Variants in ATP6V0A4 observed in about 807,000 individuals in gnomAD.
ATP6V0A4 encodes the protein ATPase H+ transporting V0 subunit a4.
ATP6V0A4 carries 86 observed loss-of-function variants against 107.3 expected under a neutral mutation model. The ratio of observed to expected loss-of-function variants is 0.80; its 90% CI spans 0.67 to 0.96. The LOEUF (loss-of-function observed/expected upper bound fraction) is 0.96, where lower values mean the gene tolerates loss of function less well. ATP6V0A4 is among the 40% of genes least tolerant of loss of function. The probability of loss-of-function intolerance (pLI) is 0.00; values close to 1 mark genes in which losing one functional copy is unlikely to be tolerated. For missense variants in ATP6V0A4, 908 were observed against 1,045.6 expected, an observed-to-expected ratio of 0.87 and a Z score of 1.81; for synonymous variants, 353 against 381.4, an observed-to-expected ratio of 0.93 and a Z score of 0.87.
At chr7:138,771,093 C>G (rs1807358443) in intron 3 of ATP6V0A4, 38 bp downstream of exon 3, 1 of 1,585,926 alleles carries the variant, frequency 6.3e-7, no homozygotes, top group Non-Finnish European at 8.7e-7. Context: ...TACTCCCACC[C>G]CTGCCTTCCT....
intron 5 of ATP6V0A4, among the ~76,000 whole-genome samples, chr7:138,765,316 C>T (rs972058168): frequency 6.6e-6 from 1 of 152,110 alleles, no homozygotes; most frequent in Non-Finnish European, 1.5e-5. Flanking sequence ...TATAATGACA[C>T]AAAGTTGGGG....
chr7:138,796,775 C>T (rs1040123301), intron 1 of ATP6V0A4, among the ~76,000 whole-genome samples: 10 of 119,356 alleles, frequency 8.4e-5, no homozygotes, highest in Middle Eastern at 3.5e-3. Flanking sequence ...TTCTTTCTTC[C>T]GGGTTTGGTT....
At chr7:138,728,945 C>T (rs1804850713) in intron 17 of ATP6V0A4, 83 bp from the exon 18 acceptor site, 1 of 1,608,760 alleles carries the variant, frequency 6.2e-7, no homozygotes, top group African/African-American at 1.3e-5. Flanking sequence ...CCACTATGGG[C>T]CACTTCACTA....
chr7:138,796,272 T>C (rs909990651), intron 1 of ATP6V0A4, among the ~76,000 whole-genome samples: 1 of 151,838 alleles, frequency 6.6e-6, no homozygotes. Context: ...CTAGTGGTAA[T>C]GCCTAAACTG....
At chr7:138,770,993 A>G in intron 3 of ATP6V0A4, 138 bp downstream of exon 3, 1 of 952,704 alleles carries the variant, frequency 1.0e-6, no homozygotes, top group Non-Finnish European at 1.7e-6. Context: ...AAGCACTAAA[A>G]CTACAGAATT....
At chr7:138,743,415 G>T (rs573479390) in intron 14 of ATP6V0A4, among the ~76,000 whole-genome samples, 23 of 145,804 alleles carry the variant, frequency 1.6e-4, no homozygotes, top group Admixed American at 1.4e-3. Context: ...CTGAGATTGT[G>T]CCACTGTACT....
chr7:138,730,915 T>A (rs1377151478), intron 17 of ATP6V0A4, among the ~76,000 whole-genome samples: 2 of 131,056 alleles, frequency 1.5e-5, no homozygotes, highest in East Asian at 5.0e-4. Flanking sequence ...ACAAGGCATT[T>A]TTTCTTCTTC....
chr7:138,758,358 G>A (rs1045761591), intron 8 of ATP6V0A4, among the ~76,000 whole-genome samples: 5 of 152,156 alleles, frequency 3.3e-5, no homozygotes, highest in African/African-American at 1.2e-4. Context: ...AGACATTAGA[G>A]TGATGGGGTT....
At chr7:138,719,249 T>A (rs1804307209) in intron 19 of ATP6V0A4, among the ~76,000 whole-genome samples, 1 of 152,188 alleles carries the variant, frequency 6.6e-6, no homozygotes, top group East Asian at 1.9e-4. Context: ...TCTTGGCTCC[T>A]GGGAGGTAAC....
chr7:138,797,836 G>A lies in ATP6V0A4; in HGVS notation c.-121+198C>T, dbSNP rs981926341. 23 of 593,714 alleles carry A rather than the reference G, an allele frequency of 3.9e-5. 1 individual carries two copies. Among genetic ancestry groups the A allele is most frequent in the South Asian group, 2.1e-4 (11 of 53,408 alleles). The allele number at this position is 593,714 out of a possible 1,614,324, so 36.8% of individuals were successfully genotyped here. A position where few individuals can be genotyped will look rare whatever the true frequency, so the allele number is the denominator to read the frequency against. On this transcript the variant is annotated intron_variant, in intron 1 of 21. Coordinates refer to ENST00000310018, the MANE Select transcript of ATP6V0A4 (RefSeq NM_020632.3). ...GTTTCTCAATAAGGACAATATTTGC[G>A]CTCAGGGGAGAAGGGCACAGCTTGC... is the stretch of plus-strand genomic sequence containing the variant.
chr7:138,782,001 A>C (rs1326689732), intron 2 of ATP6V0A4, among the ~76,000 whole-genome samples: 1 of 152,118 alleles, frequency 6.6e-6, no homozygotes, highest in African/African-American at 2.4e-5. Context: ...AACAGTGTAA[A>C]GAGGACCTGA....
At chr7:138,769,558 G>A (rs575769799) in intron 3 of ATP6V0A4, among the ~76,000 whole-genome samples, 18 of 152,070 alleles carry the variant, frequency 1.2e-4, no homozygotes, top group African/African-American at 3.4e-4. Context: ...CAGGTGATCC[G>A]CCCACCTCAG....
Position 138,747,576 on chromosome 7 carries a change from A to G in ATP6V0A4, c.1181-12T>C. On this transcript the variant is annotated splice_polypyrimidine_tract_variant and intron_variant, in intron 12 of 21. Coordinates refer to ENST00000310018, the MANE Select transcript of ATP6V0A4 (RefSeq NM_020632.3). The stretch of plus-strand genomic sequence containing the variant: ...GATGGTGTAGGGGGCTGCGGAGGGG[A>G]GACACACAACGCCTGAGGCCTCAGC... 6.2e-7 allele frequency: 1 copy of G among 1,613,730 alleles called. No homozygotes were observed. Among genetic ancestry groups the G allele is most frequent in the South Asian group, 1.1e-5 (1 of 91,012 alleles).
At chr7:138,794,678 G>A (rs931033833) in intron 1 of ATP6V0A4, among the ~76,000 whole-genome samples, 5 of 151,934 alleles carry the variant, frequency 3.3e-5, no homozygotes, top group African/African-American at 9.7e-5. Flanking sequence ...AAAAAGTCTT[G>A]AGAAAGTCTA....
intron 15 of ATP6V0A4, among the ~76,000 whole-genome samples, chr7:138,738,653 G>C (rs1805465987): frequency 6.6e-6 from 1 of 152,146 alleles, no homozygotes; most frequent in African/African-American, 2.4e-5. Flanking sequence ...CAAATCCTGG[G>C]CAAAATTCAT....
chr7:138,717,111 A>C (rs1804080298), intron 19 of ATP6V0A4, among the ~76,000 whole-genome samples: 1 of 152,172 alleles, frequency 6.6e-6, no homozygotes, highest in Admixed American at 6.5e-5. Flanking sequence ...GGCTCTCCAC[A>C]TGCTGAGTTT....
intron 19 of ATP6V0A4, among the ~76,000 whole-genome samples, chr7:138,721,643 C>T (rs1804426263): frequency 6.6e-6 from 1 of 152,194 alleles, no homozygotes; most frequent in African/African-American, 2.4e-5. Flanking sequence ...ATTCACCTGA[C>T]ACATACAGAT....
At position 138,797,906 on chromosome 7, in the gene ATP6V0A4, G is replaced by T. The variant is rs1271775023; in HGVS notation, c.-121+128C>A. ...CCAACGGTTTGGCTTCCCTTCTAGAGAGGTGAGAGAAGGTGTGACAGGCCA... is the reference window on the plus strand; with the variant it reads ...CCAACGGTTTGGCTTCCCTTCTAGATAGGTGAGAGAAGGTGTGACAGGCCA... On this transcript the variant is annotated intron_variant, in intron 1 of 21. Transcript: ENST00000310018. 4 of 1,352,424 alleles carry T rather than the reference G, an allele frequency of 3.0e-6. No individual in the cohort carries two copies. In the Admixed American group the frequency reaches 8.1e-5, roughly 27 times the overall value. The allele number at this position is 1,352,424 out of a possible 1,614,324, so 83.8% of individuals were successfully genotyped here.
At chr7:138,792,223 G>A (rs1405231403) in intron 1 of ATP6V0A4, among the ~76,000 whole-genome samples, 1 of 152,170 alleles carries the variant, frequency 6.6e-6, no homozygotes, top group Admixed American at 6.5e-5. Context: ...CAGGAGAATG[G>A]CGTGAACCCA....
Sources: allele counts gnomAD v4.1 joint callset (sites outside exome capture counted in the v4.1 genomes callset), GRCh38; gene constraint gnomAD v4.1.1; transcripts MANE v1.5; gene names NCBI Gene and HGNC (gene_info 2026-07-23, HGNC 2026-07-21).